CCDC201: variants seen among roughly 807,000 people sequenced by gnomAD.
The protein encoded by CCDC201 is coiled-coil domain containing 201.
chr7:45,867,304 G>A (rs12667301), intron 1 of CCDC201, among the ~76,000 whole-genome samples: 22,839 of 152,238 alleles, frequency 0.15, 1,843 homozygotes, highest in East Asian at 0.26. Flanking sequence ...TACCAATGGA[G>A]GTAACTGCCA....
intron 1 of CCDC201, among the ~76,000 whole-genome samples, chr7:45,869,060 C>T (rs151163791): frequency 2.4e-4 from 37 of 151,068 alleles, no homozygotes; most frequent in Middle Eastern, 6.8e-3. Context: ...ACATCCTTGA[C>T]GATTTCTCAT....
At chr7:45,873,920 CTTTTT>C (rs201948561), upstream of CCDC201, among the ~76,000 whole-genome samples, 1,713 of 121,386 alleles carry the variant, frequency 0.014, 13 homozygotes, top group Non-Finnish European at 0.021. Context: ...CATTTACTTA[CTTTTT>C]TTTTTTTTTT....
intron 1 of CCDC201, among the ~76,000 whole-genome samples, chr7:45,867,859 A>G (rs1185234639): frequency 6.6e-6 from 1 of 152,256 alleles, no homozygotes. Flanking sequence ...AGGCACAGCT[A>G]GAAACCATTT....
intron 2 of CCDC201, among the ~76,000 whole-genome samples, chr7:45,864,930 A>G (rs1786652761): frequency 1.3e-5 from 2 of 152,176 alleles, no homozygotes; most frequent in South Asian, 2.1e-4. Context: ...AAGGTCTTCC[A>G]GAGTCAGATG....
upstream of CCDC201, among the ~76,000 whole-genome samples, chr7:45,874,757 A>G (rs1481480118): frequency 1.3e-5 from 2 of 152,236 alleles, no homozygotes; most frequent in South Asian, 2.1e-4. Flanking sequence ...GACTGGCTCC[A>G]GGTTCAAGTG....
chr7:45,883,411 G>T, the CCDC201 span, among the ~76,000 whole-genome samples: 9 of 152,302 alleles, frequency 5.9e-5, no homozygotes, highest in African/African-American at 1.9e-4. Flanking sequence ...GCTGTGCAGA[G>T]GTGAGGACAT....
chr7:45,872,547 G>A (rs1324098045), intron 1 of CCDC201, among the ~76,000 whole-genome samples: 1 of 152,216 alleles, frequency 6.6e-6, no homozygotes, highest in African/African-American at 2.4e-5. Context: ...GACAGGCCAG[G>A]GGAGGAGATG....
intron 2 of CCDC201, among the ~76,000 whole-genome samples, chr7:45,863,504 G>C (rs1221425785): frequency 3.3e-5 from 5 of 152,184 alleles, no homozygotes; most frequent in Admixed American, 6.5e-5. Context: ...ACGAGCCTGC[G>C]TGGGAACAGG....
At chr7:45,884,905 G>T in the CCDC201 span, among the ~76,000 whole-genome samples, 8 of 152,060 alleles carry the variant, frequency 5.3e-5, no homozygotes, top group Non-Finnish European at 1.0e-4. Context: ...CTCAGTACCT[G>T]CCCTACATTG....
chr7:45,878,594 G>GGCTGGA, the CCDC201 span, among the ~76,000 whole-genome samples: 1 of 152,226 alleles, frequency 6.6e-6, no homozygotes, highest in Non-Finnish European at 1.5e-5. Flanking sequence ...TTTTCACCAT[G>GGCTGGA]GCTGGAGCTG....
upstream of CCDC201, among the ~76,000 whole-genome samples, chr7:45,874,690 G>T (rs552226756): frequency 6.6e-6 from 1 of 152,202 alleles, no homozygotes; most frequent in Non-Finnish European, 1.5e-5. Context: ...ACTAGAAAGG[G>T]TTTGTCAGAG....
the CCDC201 span, among the ~76,000 whole-genome samples, chr7:45,881,638 G>A: frequency 6.6e-6 from 1 of 152,206 alleles, no homozygotes; most frequent in Non-Finnish European, 1.5e-5. Context: ...TTGATGCGGG[G>A]AGAGCATAAC....
At chr7:45,884,722 C>T in the CCDC201 span, among the ~76,000 whole-genome samples, 1 of 152,184 alleles carries the variant, frequency 6.6e-6, no homozygotes, top group African/African-American at 2.4e-5. Context: ...CCATGGCCAG[C>T]AGCTTATGGA....
intron 2 of CCDC201, among the ~76,000 whole-genome samples, chr7:45,864,504 G>C (rs897201260): frequency 3.4e-4 from 52 of 152,288 alleles, no homozygotes; most frequent in Non-Finnish European, 3.1e-4. Flanking sequence ...TAACCCCCGG[G>C]TGACCCTTGG....
intron 1 of CCDC201, among the ~76,000 whole-genome samples, chr7:45,869,526 G>A (rs556562929): frequency 1.3e-5 from 2 of 152,320 alleles, no homozygotes; most frequent in East Asian, 1.9e-4. Context: ...GGGATGATGA[G>A]TTGATCATGA....
At chr7:45,879,090 T>C in the CCDC201 span, among the ~76,000 whole-genome samples, 1 of 152,216 alleles carries the variant, frequency 6.6e-6, no homozygotes, top group Non-Finnish European at 1.5e-5. Context: ...ATGTTGCTAG[T>C]CTCTGCTAAA....
chr7:45,878,161 C>T, the CCDC201 span, among the ~76,000 whole-genome samples: 1 of 152,208 alleles, frequency 6.6e-6, no homozygotes, highest in East Asian at 1.9e-4. Flanking sequence ...CATCTCTTCC[C>T]CTGTGGGACT....
chr7:45,873,182 T>G (rs1417426537), upstream of CCDC201: 2 of 152,186 alleles, frequency 1.3e-5, no homozygotes, highest in African/African-American at 4.8e-5. Context: ...TGGGGCAGGT[T>G]TCCCTCGCCC....
chr7:45,883,111 C>A, the CCDC201 span, among the ~76,000 whole-genome samples: 1 of 152,060 alleles, frequency 6.6e-6, no homozygotes, highest in Non-Finnish European at 1.5e-5. Flanking sequence ...AACACTAGCT[C>A]CCCCACCCCT....
Sources: gnomAD v4.1 joint callset for allele counts (sites outside exome capture counted in the v4.1 genomes callset) on GRCh38, gnomAD v4.1.1 for gene constraint, MANE v1.5 for transcripts, NCBI Gene and HGNC (gene_info 2026-07-23, HGNC 2026-07-21) for gene names.